TXLNB: variants seen among roughly 807,000 people sequenced by gnomAD.
TXLNB encodes beta-taxilin.
Under a neutral mutation model 57.4 loss-of-function variants are expected in TXLNB, and 37 were observed. That is an observed-to-expected ratio of 0.64 (90% CI 0.50 to 0.85). The LOEUF is 0.85. TXLNB is among the 40% of genes least tolerant of loss of function. The probability of loss-of-function intolerance (pLI) is 0.00; values close to 1 mark genes in which losing one functional copy is unlikely to be tolerated. For synonymous variants in TXLNB, 302 were observed against 309.6 expected (o/e 0.98, Z 0.26); for missense variants, 848 against 825.6 (o/e 1.03, Z -0.33).
chr6:139,295,833 A>T (rs1777379652), upstream of TXLNB, among the ~76,000 whole-genome samples: 1 of 152,108 alleles, frequency 6.6e-6, no homozygotes, highest in South Asian at 2.1e-4. Flanking sequence ...AGTTCTATTC[A>T]TATGCAACTT....
the TXLNB span, among the ~76,000 whole-genome samples, chr6:139,193,840 A>ATTTTTTT: frequency 4.7e-5 from 4 of 85,236 alleles, no homozygotes; most frequent in Non-Finnish European, 6.5e-5. Context: ...ATATATATAT[A>ATTTTTTT]TTTTTTTTTT....
the TXLNB span, among the ~76,000 whole-genome samples, chr6:139,233,786 G>C: frequency 6.6e-6 from 1 of 152,118 alleles, no homozygotes; most frequent in African/African-American, 2.4e-5. Context: ...ATAGTAAATT[G>C]TTACCAAGAT....
At chr6:139,183,932 C>G in the TXLNB span, among the ~76,000 whole-genome samples, 2 of 151,328 alleles carry the variant, frequency 1.3e-5, no homozygotes, top group East Asian at 3.9e-4. Context: ...TTAGAAAACA[C>G]AAGGACTAGG....
chr6:139,218,520 A>G, the TXLNB span, among the ~76,000 whole-genome samples: 1 of 152,188 alleles, frequency 6.6e-6, no homozygotes, highest in Non-Finnish European at 1.5e-5. Flanking sequence ...TGGGAGGCCA[A>G]GGTGGGTGGA....
the TXLNB span, among the ~76,000 whole-genome samples, chr6:139,310,285 A>G: frequency 2.0e-5 from 3 of 152,366 alleles, no homozygotes; most frequent in Admixed American, 2.0e-4. Flanking sequence ...AATAGCAGAA[A>G]AACAAAGGAT....
the TXLNB span, chr6:139,178,388 A>G: frequency 5.9e-5 from 9 of 152,272 alleles, no homozygotes; most frequent in Admixed American, 2.0e-4. Flanking sequence ...AATTAATTTG[A>G]TAATTTCATG....
chr6:139,285,321 A>G lies in TXLNB; in HGVS notation c.424+3155T>C, dbSNP rs1436843508. 1.4e-5 allele frequency among the ~76,000 whole-genome samples: 2 copies of G among 140,808 alleles called. 1 individual carries two copies. Among genetic ancestry groups the G allele is most frequent in the Non-Finnish European group, 3.1e-5 (2 of 63,986 alleles). 92.4% of individuals were successfully genotyped at this position (140,808 alleles called of 152,430 possible). A position where few individuals can be genotyped will look rare whatever the true frequency, so the allele number is the denominator to read the frequency against. ...ACACACACACCCCAATTCTTATGTA[A>G]AAGTTTTAGGGTGATTGAAAAATAA... On this transcript the variant is annotated intron_variant, in intron 2 of 9. Transcript: ENST00000358430.
At chr6:139,211,336 C>A in the TXLNB span, among the ~76,000 whole-genome samples, 1 of 152,220 alleles carries the variant, frequency 6.6e-6, no homozygotes, top group South Asian at 2.1e-4. Flanking sequence ...ATCTGCTGTT[C>A]TGTAGCCCCC....
At chr6:139,187,137 G>GA in the TXLNB span, among the ~76,000 whole-genome samples, 11 of 152,154 alleles carry the variant, frequency 7.2e-5, no homozygotes, top group African/African-American at 2.4e-4. Context: ...CCATCAGCCA[G>GA]AAAAAAATAC....
chr6:139,254,401 T>G (rs1329029146), intron 7 of TXLNB, among the ~76,000 whole-genome samples: 1 of 152,128 alleles, frequency 6.6e-6, no homozygotes, highest in Non-Finnish European at 1.5e-5. Flanking sequence ...AAATTAATGC[T>G]GCCCAGCTTG....
the TXLNB span, among the ~76,000 whole-genome samples, chr6:139,311,610 T>C: frequency 2.0e-5 from 3 of 152,198 alleles, no homozygotes; most frequent in South Asian, 2.1e-4. Context: ...CAGTTTATTG[T>C]TGTTAGTTTC....
chr6:139,248,190 G>A (rs1360376274), intron 7 of TXLNB, among the ~76,000 whole-genome samples: 7 of 151,862 alleles, frequency 4.6e-5, no homozygotes, highest in South Asian at 4.2e-4. Context: ...GGAGAATGGC[G>A]TGAACCTGGG....
intron 1 of TXLNB, 108 bp from the exon 2 acceptor site, chr6:139,289,021 T>C: frequency 1.3e-6 from 1 of 782,624 alleles, no homozygotes; most frequent in Non-Finnish European, 1.9e-6. Flanking sequence ...CTAATTATAG[T>C]CTCTAACGTA....
rs1428675871 is a variant in TXLNB at position 139,288,749 on chromosome 6, C to A, written c.151G>T (p.Val51Leu). Residue 51 changes from valine to leucine, a missense_variant, in exon 2 of 10, where the codon GTG (valine) becomes TTG (leucine). Transcript: ENST00000358430. Reference sequence around the variant, plus strand: ...AGCTCTTCAGAGATATCGGGGTGCACACTTGCCTCTTTCTCTGGTGGTTGG... The same window carrying A: ...AGCTCTTCAGAGATATCGGGGTGCAAACTTGCCTCTTTCTCTGGTGGTTGG... ...PVQPPEKEASVHPDISEELNR... is the reference protein window; with the variant it reads ...PVQPPEKEASLHPDISEELNR... The A allele has an allele frequency of 6.2e-7, 1 of 1,614,220 alleles. No homozygotes were observed. The highest frequency in any genetic ancestry group is 1.3e-5 in the African/African-American group (1 of 75,056).
downstream of TXLNB, among the ~76,000 whole-genome samples, chr6:139,235,144 A>T (rs558134294): frequency 6.6e-6 from 1 of 152,180 alleles, no homozygotes; most frequent in Non-Finnish European, 1.5e-5. Flanking sequence ...GACCTAGGTG[A>T]GGACAGGCGC....
chr6:139,235,057 A>C, the TXLNB span, among the ~76,000 whole-genome samples: 1 of 152,250 alleles, frequency 6.6e-6, no homozygotes, highest in African/African-American at 2.4e-5. Flanking sequence ...TTAGGCTTAC[A>C]TGGAACCTGT....
the TXLNB span, among the ~76,000 whole-genome samples, chr6:139,194,373 T>A: frequency 2.0e-5 from 3 of 152,240 alleles, no homozygotes; most frequent in South Asian, 6.2e-4. Flanking sequence ...AGAGTATCTA[T>A]CAGACATTTC....
chr6:139,171,665 C>T, the TXLNB span, among the ~76,000 whole-genome samples: 1 of 151,930 alleles, frequency 6.6e-6, no homozygotes, highest in Non-Finnish European at 1.5e-5. Context: ...AGTCTGTCAC[C>T]CTGGCTGGCT....
chr6:139,310,012 A>T, the TXLNB span, among the ~76,000 whole-genome samples: 1 of 152,192 alleles, frequency 6.6e-6, no homozygotes, highest in South Asian at 2.1e-4. Flanking sequence ...GAAGACCTGA[A>T]ACCATAAAGC....
Sources: gnomAD v4.1 joint callset for allele counts (sites outside exome capture counted in the v4.1 genomes callset) on GRCh38, gnomAD v4.1.1 for gene constraint, MANE v1.5 for transcripts, NCBI Gene and HGNC (gene_info 2026-07-23, HGNC 2026-07-21) for gene names.